Variants in CELSR1 observed in about 807,000 individuals in gnomAD.
CELSR1 encodes the protein adhesion G protein-coupled receptor C1.
CELSR1 carries 110 observed loss-of-function variants against 249.1 expected under a neutral mutation model. That is an observed-to-expected ratio of 0.44 (90% CI 0.38 to 0.52). CELSR1 has a LOEUF of 0.52. Ranked by LOEUF, CELSR1 falls within the 20% of genes least tolerant of loss-of-function variation. CELSR1 has a pLI of 0.00. For synonymous variants in CELSR1, 2,113 were observed against 1,900.0 expected, an observed-to-expected ratio of 1.11 and a Z score of -2.92; for missense variants, 4,109 against 4,296.4, an observed-to-expected ratio of 0.96 and a Z score of 1.22.
chr22:46,516,481 T>C (rs542419761), intron 1 of CELSR1, among the ~76,000 whole-genome samples: 3 of 151,992 alleles, frequency 2.0e-5, no homozygotes, highest in East Asian at 3.9e-4. Context: ...TGGGGAGGGA[T>C]AGCACACCGG....
rs1017901121 is a variant in CELSR1 at position 46,454,246 on chromosome 22, C to T, written c.4183+9461G>A. 3.3e-5 allele frequency among the ~76,000 whole-genome samples: 5 copies of T among 152,206 alleles called. No individual in the cohort carries two copies. Among genetic ancestry groups the T allele is most frequent in the South Asian group, 2.1e-4 (1 of 4,834 alleles). On this transcript the variant is annotated intron_variant, in intron 2 of 34. Transcript: ENST00000674500. The surrounding 1 kb of genome is among the most constrained non-coding windows in gnomAD (Gnocchi z 5.1). ...GGGCCTCCCGGAGCAGCCCCGCCCA[C>T]GCCCCTGAATGCAGGGCTCCTGCCC...
At chr22:46,531,008 G>A (rs1031137109) in intron 1 of CELSR1, among the ~76,000 whole-genome samples, 41 of 152,310 alleles carry the variant, frequency 2.7e-4, no homozygotes, top group African/African-American at 9.4e-4. Flanking sequence ...TGAAACCACC[G>A]CTTCCCCGCA....
rs114810865 is a variant in CELSR1 at position 46,441,859 on chromosome 22, T to C, written c.4184-2448A>G. 0.028 allele frequency among the ~76,000 whole-genome samples: 4,321 copies of C among 152,288 alleles called. 204 individuals are homozygous for C. The highest frequency in any genetic ancestry group is 0.1 in the African/African-American group (4,136 of 41,544). On this transcript the variant is annotated intron_variant, in intron 2 of 34. Coordinates refer to ENST00000674500, the MANE Select transcript of CELSR1 (RefSeq NM_001378328.1). The surrounding 1 kb of genome is among the most constrained non-coding windows in gnomAD (Gnocchi z 6.1). ...AACATTAAACTTTATTATCCATTTT[T>C]AAAAATAAAGAGATCACGGTGGCTC...
chr22:46,461,076 T>A (rs1402909568), intron 2 of CELSR1, among the ~76,000 whole-genome samples: 1 of 151,998 alleles, frequency 6.6e-6, no homozygotes, highest in Admixed American at 6.6e-5. Context: ...ATAAAACCCC[T>A]CTGCCGACAG....
At chr22:46,373,143 A>G in intron 24 of CELSR1, 86 bp from the exon 25 acceptor site, 2 of 1,394,592 alleles carry the variant, frequency 1.4e-6, no homozygotes, top group East Asian at 2.5e-5. Context: ...GGGATGGGAG[A>G]GCTCACAATT....
rs550747238 is a variant in CELSR1, at chr22:46,518,803, C to T, written c.3544+14824G>A. ...AATCCAGCACTTTGGGAGGCCAAGG[C>T]GGGTGGATCACTTGAGGTCAGGAGT... is the stretch of plus-strand genomic sequence containing the variant. On this transcript the variant is annotated intron_variant, in intron 1 of 34. Coordinates refer to ENST00000674500, the MANE Select transcript of CELSR1 (RefSeq NM_001378328.1). The surrounding 1 kb of genome is among the most constrained non-coding windows in gnomAD (Gnocchi z 5.2). 6.6e-6 allele frequency among the ~76,000 whole-genome samples: 1 copy of T among 152,094 alleles called. No individual in the cohort carries two copies. The highest frequency in any genetic ancestry group is 1.5e-5 in the Non-Finnish European group (1 of 68,008).
chr22:46,439,049 CG>C, intron 3 of CELSR1, 139 bp downstream of exon 3: 1 of 827,492 alleles, frequency 1.2e-6, no homozygotes, highest in Non-Finnish European at 1.9e-6. Flanking sequence ...TGAGCCACCG[CG>C]CCTGGCCTGG....
intron 19 of CELSR1, among the ~76,000 whole-genome samples, chr22:46,385,087 C>T (rs977787555): frequency 2.0e-5 from 3 of 151,918 alleles, no homozygotes; most frequent in African/African-American, 7.3e-5. Context: ...CCACCACGCC[C>T]AGCCTATTTA....
intron 1 of CELSR1, among the ~76,000 whole-genome samples, chr22:46,492,025 C>T (rs2080372217): frequency 6.6e-6 from 1 of 152,226 alleles, no homozygotes; most frequent in Middle Eastern, 3.2e-3. Context: ...AAGTGCCTAG[C>T]AAAAGGCTGG....
chr22:46,534,335 TG>T lies in CELSR1; in HGVS notation c.2835del (p.Thr946ArgfsTer4). ...DDGDGDFYIE[P>X]TSGVIRTQRR... ...CGCTGGGTGCGAATCACACCGGACGTGGGCTCGATGTAGAAGTCCCCATCGC... is the reference window on the plus strand; with the variant it reads ...CGCTGGGTGCGAATCACACCGGACGTGGCTCGATGTAGAAGTCCCCATCGC... On this transcript the variant is annotated frameshift_variant, in exon 1 of 35. Transcript: ENST00000674500. LOFTEE classifies it high-confidence loss of function. The surrounding 1 kb of genome is among the most constrained non-coding windows in gnomAD (Gnocchi z 9.7). 1.2e-6 allele frequency: 2 copies of T among 1,613,060 alleles called. No individual in the cohort carries two copies. The highest frequency in any genetic ancestry group is 1.7e-6 in the Non-Finnish European group (2 of 1,180,032).
intron 1 of CELSR1, among the ~76,000 whole-genome samples, chr22:46,483,853 A>C (rs2080290340): frequency 6.6e-6 from 1 of 152,184 alleles, no homozygotes; most frequent in African/African-American, 2.4e-5. Flanking sequence ...CAACACTTTC[A>C]GGAGAGAAAA....
In CELSR1 at chr22:46,428,610, G is replaced by A. The variant is rs1260346075; in HGVS notation, c.4611+4783C>T. On this transcript the variant is annotated intron_variant, in intron 5 of 34. Coordinates refer to ENST00000674500, the MANE Select transcript of CELSR1 (RefSeq NM_001378328.1). The surrounding 1 kb of genome is among the most constrained non-coding windows in gnomAD (Gnocchi z 5.7). ...GGGTTAGGGGAACAGCTGGAGTCTA[G>A]TGACCAGAGGTCAGGAATGCTGCCC... is the stretch of plus-strand genomic sequence containing the variant. Among the ~76,000 whole-genome samples the A allele has an allele frequency of 7.9e-5, 12 of 152,254 alleles. No homozygotes were observed.
Position 46,533,835 on chromosome 22 carries a change from G to A in CELSR1, c.3336C>T (p.Val1112=), listed in dbSNP as rs1159594548. 8 of 1,613,816 alleles carry A rather than the reference G, an allele frequency of 5.0e-6. No homozygotes were observed. The highest frequency in any genetic ancestry group is 1.3e-5 in the African/African-American group (1 of 74,952). The change falls in exon 1 of 35, where the codon GTC becomes GTT. Residue 1112 remains valine (V), a synonymous_variant. Transcript: ENST00000674500. ...TGGGGAAACTGTTGGACTTGTTGGT[G>A]ACATAGTTGTTGAAGAGGATCTGGA... The part of the protein sequence containing the change: ...PDFQILFNNY[V]TNKSNSFPTG...
rs957936243 is a variant in CELSR1 at position 46,369,741 on chromosome 22, T to G, written c.7823A>C (p.Gln2608Pro). 6.2e-7 allele frequency: 1 copy of G among 1,613,366 alleles called. No homozygotes were observed. ...CGCAAAGCTCCAAATCAGGGTGTCT[T>G]GAAGCGACAGCCAGCAGAAGTCGGG... ...GNPDFCWLSL[Q>P]DTLIWSFAGP... Residue 2608 changes from glutamine to proline, a missense_variant, in exon 26 of 35, where the codon CAA becomes CCA. By Grantham distance (76) the Gln-to-Pro change is moderately conservative. Coordinates refer to ENST00000674500, the MANE Select transcript of CELSR1 (RefSeq NM_001378328.1).
At chr22:46,521,430 G>C (rs532724533) in intron 1 of CELSR1, among the ~76,000 whole-genome samples, 1 of 151,156 alleles carries the variant, frequency 6.6e-6, no homozygotes, top group Non-Finnish European at 1.5e-5. Context: ...GCATGAACCC[G>C]GGAGGCGGAG....
At position 46,361,453 on chromosome 22, in the gene CELSR1, A is replaced by T. The variant is rs1343177617; in HGVS notation, c.*1770T>A. 2.0e-5 allele frequency: 3 copies of T among 152,412 alleles called. No homozygotes were observed. The highest frequency in any genetic ancestry group is 1.3e-4 in the Admixed American group (2 of 15,290). The allele number at this position is 152,412 out of a possible 1,614,324, so 9.4% of individuals were successfully genotyped here. A position where few individuals can be genotyped will look rare whatever the true frequency, so the allele number is the denominator to read the frequency against. On this transcript the variant is annotated 3_prime_UTR_variant, in exon 35 of 35. Coordinates refer to ENST00000674500, the MANE Select transcript of CELSR1 (RefSeq NM_001378328.1). ...AAAAAATTACACCTCAGGGGGCAGA[A>T]TCCTGTTAAAGTCATGAAAGGAGAC...
intron 2 of CELSR1, among the ~76,000 whole-genome samples, chr22:46,456,639 G>T (rs1280975425): frequency 7.0e-6 from 1 of 142,538 alleles, no homozygotes; most frequent in Admixed American, 7.0e-5. Context: ...CTTCAGCCTG[G>T]GCGACAGAGC....
chr22:46,370,739 G>A (rs1170505825), intron 25 of CELSR1, among the ~76,000 whole-genome samples: 1 of 152,212 alleles, frequency 6.6e-6, no homozygotes, highest in Admixed American at 6.5e-5. Context: ...CTCTGGAGGA[G>A]CCAGTTAACC....
At position 46,471,530 on chromosome 22, in the gene CELSR1, C is replaced by T. The variant is rs151087615; in HGVS notation, c.3545-7185G>A. ...TCAGCCTCCTGAGAAGCTAGGACTACAGGAGCATGCCACCATGCCTGGCTG... is the reference window on the plus strand; with the variant it reads ...TCAGCCTCCTGAGAAGCTAGGACTATAGGAGCATGCCACCATGCCTGGCTG... On this transcript the variant is annotated intron_variant, in intron 1 of 34. Coordinates refer to ENST00000674500, the MANE Select transcript of CELSR1 (RefSeq NM_001378328.1). The surrounding 1 kb of genome is among the most constrained non-coding windows in gnomAD (Gnocchi z 4.9). 2.5e-4 allele frequency among the ~76,000 whole-genome samples: 38 copies of T among 152,228 alleles called. 1 individual carries two copies. The East Asian group carries it at 7.4e-3, about 29-fold the overall frequency.
Sources: gnomAD v4.1 joint callset for allele counts (sites outside exome capture counted in the v4.1 genomes callset) on GRCh38, gnomAD v4.1.1 for gene constraint, Gnocchi (gnomAD v3.1) non-coding constraint, MANE v1.5 for transcripts, NCBI Gene and HGNC (gene_info 2026-07-23, HGNC 2026-07-21) for gene names.